MAF: variants seen among roughly 807,000 people sequenced by gnomAD.
MAF encodes MAF bZIP transcription factor.
MAF carries 10 observed loss-of-function variants against 22.0 expected under a neutral mutation model. The observed-to-expected ratio is 0.45, with a 90% CI of 0.28 to 0.77. The LOEUF (loss-of-function observed/expected upper bound fraction) is 0.77, where lower values mean the gene tolerates loss of function less well. MAF is among the 30% of genes least tolerant of loss of function. MAF has a pLI of 0.12. For missense variants in MAF, 544 were observed against 548.4 expected (o/e 0.99, Z 0.08); for synonymous variants, 337 against 255.8 (o/e 1.32, Z -3.03).
the MAF span, among the ~76,000 whole-genome samples, chr16:79,463,158 G>A: frequency 6.6e-6 from 1 of 152,196 alleles, no homozygotes; most frequent in Non-Finnish European, 1.5e-5. Flanking sequence ...CCTGTTTATG[G>A]AACAGAGATC....
At chr16:79,461,916 C>G in the MAF span, among the ~76,000 whole-genome samples, 1 of 151,936 alleles carries the variant, frequency 6.6e-6, no homozygotes, top group Non-Finnish European at 1.5e-5. Flanking sequence ...GTTTTTTAAC[C>G]CTGTCTAATA....
the MAF span, among the ~76,000 whole-genome samples, chr16:79,290,197 A>T: frequency 9.5e-3 from 1,445 of 152,234 alleles, 9 homozygotes; most frequent in Non-Finnish European, 0.015. Context: ...ACCCCATGGG[A>T]GGGAAGCTAC....
chr16:79,441,754 T>C, the MAF span, among the ~76,000 whole-genome samples: 5 of 152,212 alleles, frequency 3.3e-5, no homozygotes, highest in Non-Finnish European at 7.3e-5. Flanking sequence ...GGGGGTTCGG[T>C]GACTGAAATA....
the MAF span, among the ~76,000 whole-genome samples, chr16:79,247,754 G>C: frequency 6.6e-6 from 1 of 152,054 alleles, no homozygotes; most frequent in Non-Finnish European, 1.5e-5. Context: ...GGACATGCTT[G>C]AACTAACTCC....
the MAF span, among the ~76,000 whole-genome samples, chr16:79,420,517 T>G: frequency 2.2e-4 from 33 of 152,100 alleles, no homozygotes; most frequent in Non-Finnish European, 3.7e-4. Flanking sequence ...AAAAATAGAG[T>G]GATTTTTCAA....
At chr16:79,570,441 G>A in the MAF span, among the ~76,000 whole-genome samples, 2 of 151,942 alleles carry the variant, frequency 1.3e-5, no homozygotes, top group Non-Finnish European at 2.9e-5. Context: ...TTCTTCCTGG[G>A]TATCCATAAC....
the MAF span, among the ~76,000 whole-genome samples, chr16:79,568,416 C>G: frequency 2.6e-5 from 4 of 152,106 alleles, no homozygotes; most frequent in Non-Finnish European, 4.4e-5. Context: ...CTGTAGGGAG[C>G]CTTCCTAATT....
chr16:79,506,481 G>T, the MAF span, among the ~76,000 whole-genome samples: 9 of 152,176 alleles, frequency 5.9e-5, no homozygotes, highest in African/African-American at 1.4e-4. Flanking sequence ...ACCCATAAAG[G>T]GTGAGGCTCT....
chr16:79,400,863 A>G, the MAF span, among the ~76,000 whole-genome samples: 1 of 152,240 alleles, frequency 6.6e-6, no homozygotes, highest in Admixed American at 6.5e-5. Flanking sequence ...GGCCTGGGGT[A>G]TCTTCCGGGG....
the MAF span, among the ~76,000 whole-genome samples, chr16:79,520,424 C>T: frequency 1.3e-5 from 2 of 152,278 alleles, no homozygotes; most frequent in South Asian, 2.1e-4. Context: ...AAAGGGCTCT[C>T]GTGGTCCTAA....
the MAF span, among the ~76,000 whole-genome samples, chr16:79,236,234 A>C: frequency 6.6e-6 from 1 of 152,070 alleles, no homozygotes; most frequent in African/African-American, 2.4e-5. Flanking sequence ...GAATACTTGA[A>C]CATCATGGAG....
At chr16:79,489,385 G>T in the MAF span, among the ~76,000 whole-genome samples, 1 of 152,106 alleles carries the variant, frequency 6.6e-6, no homozygotes, top group Non-Finnish European at 1.5e-5. Flanking sequence ...TTTGTGTACT[G>T]AATATGTGTT....
At chr16:79,597,651 T>C in intron 1 of MAF, 1 of 1,021,050 alleles carries the variant, frequency 9.8e-7, no homozygotes, top group East Asian at 6.5e-5. Context: ...GGCTCTACGG[T>C]TGCACTGTTT....
the MAF span, among the ~76,000 whole-genome samples, chr16:79,282,024 C>T: frequency 1.3e-5 from 2 of 151,930 alleles, no homozygotes; most frequent in East Asian, 1.9e-4. Flanking sequence ...TAAAAAAGGC[C>T]GGGTGCAGTG....
At chr16:79,376,731 T>C in the MAF span, among the ~76,000 whole-genome samples, 8 of 152,228 alleles carry the variant, frequency 5.3e-5, no homozygotes, top group Middle Eastern at 3.4e-3. Context: ...CCTGTGTCCA[T>C]GTGTTATTGT....
At chr16:79,317,829 G>A in the MAF span, among the ~76,000 whole-genome samples, 7 of 152,164 alleles carry the variant, frequency 4.6e-5, no homozygotes, top group Non-Finnish European at 1.0e-4. Context: ...AGAGTTCAAA[G>A]CTGACTGTGT....
the MAF span, among the ~76,000 whole-genome samples, chr16:79,570,239 T>A: frequency 6.6e-6 from 1 of 152,114 alleles, no homozygotes; most frequent in African/African-American, 2.4e-5. Flanking sequence ...TAAGCATCCT[T>A]CTGGGCTCTG....
chr16:79,308,601 G>C, the MAF span, among the ~76,000 whole-genome samples: 2 of 152,182 alleles, frequency 1.3e-5, no homozygotes, highest in African/African-American at 4.8e-5. Context: ...TTATGCAAAA[G>C]CATCTTGTCC....
chr16:79,244,948 CA>C, the MAF span, among the ~76,000 whole-genome samples: 1 of 151,922 alleles, frequency 6.6e-6, no homozygotes, highest in Non-Finnish European at 1.5e-5. Flanking sequence ...ACAAACCTGG[CA>C]AAAACAATCA....
Sources: allele counts gnomAD v4.1 joint callset (sites outside exome capture counted in the v4.1 genomes callset), GRCh38; gene constraint gnomAD v4.1.1; transcripts MANE v1.5; gene names NCBI Gene and HGNC (gene_info 2026-07-23, HGNC 2026-07-21).